Variants in SASH1 observed in about 807,000 individuals in gnomAD.
SASH1 encodes SAM and SH3 domain-containing protein 1.
SASH1 carries 44 observed loss-of-function variants against 125.2 expected under a neutral mutation model. The ratio of observed to expected loss-of-function variants is 0.35; its 90% confidence interval spans 0.28 to 0.45. The LOEUF is 0.45. Among genes scored for constraint, SASH1 ranks in the 20% least tolerant of loss-of-function variants. The probability of loss-of-function intolerance (pLI) is 1.00; values close to 1 mark genes in which losing one functional copy is unlikely to be tolerated. For synonymous variants in SASH1, 639 were observed against 649.1 expected (o/e 0.98, Z 0.24); for missense variants, 1,426 against 1,614.5 (o/e 0.88, Z 2.00).
intron 11 of SASH1, among the ~76,000 whole-genome samples, chr6:148,526,076 T>TA (rs397887707): frequency 1.2e-5 from 1 of 80,776 alleles, no homozygotes; most frequent in Non-Finnish European, 2.5e-5. Context: ...TTTTTTTTTT[T>TA]AAGATGGAGT....
At chr6:148,375,400 TG>T (rs1782853529) in intron 1 of SASH1, among the ~76,000 whole-genome samples, 1 of 151,180 alleles carries the variant, frequency 6.6e-6, no homozygotes, top group South Asian at 2.1e-4. Flanking sequence ...TTTTTTTTTG[TG>T]GTGACAAGAA....
At chr6:148,430,595 G>C (rs1000744871) in intron 2 of SASH1, among the ~76,000 whole-genome samples, 2 of 152,234 alleles carry the variant, frequency 1.3e-5, no homozygotes, top group African/African-American at 4.8e-5. Context: ...GCCTCCCAGA[G>C]TGTTAGGATT....
intron 2 of SASH1, among the ~76,000 whole-genome samples, chr6:148,392,855 A>G (rs1247627035): frequency 1.3e-5 from 2 of 152,100 alleles, no homozygotes; most frequent in Non-Finnish European, 2.9e-5. Flanking sequence ...ACATGTGTGA[A>G]TGCTGGGGTT....
At chr6:148,460,566 C>T (rs867685417) in intron 4 of SASH1, among the ~76,000 whole-genome samples, 3 of 152,170 alleles carry the variant, frequency 2.0e-5, no homozygotes, top group Admixed American at 1.3e-4. Flanking sequence ...AGGTAATCGA[C>T]GGACTCAAGC....
In SASH1 at chr6:148,275,743, G is replaced by A. The variant is rs189554836; in HGVS notation, n.74+3366G>A. Among the ~76,000 whole-genome samples the A allele has an allele frequency of 5.3e-5, 8 of 152,282 alleles. No homozygotes were observed. In the South Asian group the frequency reaches 6.2e-4, roughly 12 times the overall value. ...CATTATATTGCAATTATTTTGGGGCGTGTGGTCTCACTCTGTCACCCAAGC... is the reference window on the plus strand; with the variant it reads ...CATTATATTGCAATTATTTTGGGGCATGTGGTCTCACTCTGTCACCCAAGC... On this transcript the variant is annotated intron_variant and non_coding_transcript_variant, in intron 1 of 3. Transcript: ENST00000367469.
the SASH1 span, among the ~76,000 whole-genome samples, chr6:148,219,100 C>T: frequency 1.3e-5 from 2 of 152,138 alleles, no homozygotes; most frequent in East Asian, 3.9e-4. Context: ...AACATGCCCA[C>T]GCAGCATCCT....
chr6:148,535,870 C>T (rs1211106247), intron 16 of SASH1, among the ~76,000 whole-genome samples: 1 of 152,136 alleles, frequency 6.6e-6, no homozygotes, highest in South Asian at 2.1e-4. Context: ...ACACCAAAAC[C>T]ATGGTTAATG....
chr6:148,362,000 G>A (rs576625495), intron 1 of SASH1, among the ~76,000 whole-genome samples: 161 of 142,850 alleles, frequency 1.1e-3, no homozygotes, highest in African/African-American at 3.4e-3. Flanking sequence ...TGCAAGCTCC[G>A]CCTCCCGGGT....
the SASH1 span, among the ~76,000 whole-genome samples, chr6:148,215,446 A>G: frequency 0.011 from 1,727 of 152,312 alleles, 15 homozygotes; most frequent in Admixed American, 0.019. Flanking sequence ...TGTTTAAATC[A>G]TGCTAAATAA....
At chr6:148,364,872 C>G (rs1238367211) in intron 1 of SASH1, among the ~76,000 whole-genome samples, 1 of 152,144 alleles carries the variant, frequency 6.6e-6, no homozygotes, top group Non-Finnish European at 1.5e-5. Context: ...CCTGTAATCT[C>G]AGCACTTTGG....
chr6:148,531,933 A>C (rs1361794089), intron 13 of SASH1, among the ~76,000 whole-genome samples: 2 of 152,178 alleles, frequency 1.3e-5, no homozygotes, highest in East Asian at 3.8e-4. Flanking sequence ...AGCAGGGGGA[A>C]TAAGCCAGGG....
chr6:148,343,163 G>C lies in SASH1; in HGVS notation c.96G>C (p.Lys32Asn). ...EPAPEPEPEP[K>N]PGAGTSEAFS... ...CGCCGGAGCCGGAACCGGAGCCCAA[G>C]CCGGGTGCTGGCACATCCGAGGCGT... The change falls in exon 1 of 20, where the codon AAG becomes AAC. Residue 32 changes from lysine to asparagine, a missense_variant. Lys to Asn is a moderately conservative substitution (Grantham distance 94, BLOSUM62 0). Around this residue, in one of 3 missense-constraint regions of SASH1, gnomAD observed 567 missense variants for 575.6 expected, o/e 0.99. Transcript: ENST00000367467. 1 of 1,600,304 alleles carries C rather than the reference G, an allele frequency of 6.2e-7. No homozygotes were observed. Among genetic ancestry groups the C allele is most frequent in the Non-Finnish European group, 8.5e-7 (1 of 1,179,248 alleles).
the SASH1 span, among the ~76,000 whole-genome samples, chr6:148,262,363 G>A: frequency 1.3e-5 from 2 of 152,106 alleles, no homozygotes; most frequent in Middle Eastern, 3.4e-3. Context: ...GTCATCATGC[G>A]CTCCCTAACA....
At chr6:148,392,677 T>C (rs1169807525) in intron 2 of SASH1, among the ~76,000 whole-genome samples, 1 of 152,204 alleles carries the variant, frequency 6.6e-6, no homozygotes, top group Non-Finnish European at 1.5e-5. Context: ...TTCTCTTTCT[T>C]TTATGTTCAC....
chr6:148,510,238 G>C (rs1780040083), intron 8 of SASH1, among the ~76,000 whole-genome samples: 1 of 152,210 alleles, frequency 6.6e-6, no homozygotes, highest in African/African-American at 2.4e-5. Flanking sequence ...GCAGAGGAGA[G>C]GCTGGAAATC....
chr6:148,547,398 G>A (rs1454546733), intron 19 of SASH1, among the ~76,000 whole-genome samples: 2 of 152,142 alleles, frequency 1.3e-5, no homozygotes, highest in African/African-American at 2.4e-5. Context: ...AGAATGGCAT[G>A]CAATATAAGA....
intron 2 of SASH1, among the ~76,000 whole-genome samples, chr6:148,413,558 C>T (rs556353403): frequency 3.3e-4 from 50 of 152,202 alleles, no homozygotes; most frequent in Non-Finnish European, 5.6e-4. Context: ...GGAATGCGGG[C>T]TCAAGAGAAG....
chr6:148,511,373 A>ACACACACC (rs1491324851), intron 8 of SASH1, among the ~76,000 whole-genome samples: 1 of 129,756 alleles, frequency 7.7e-6, no homozygotes, highest in African/African-American at 2.9e-5. Context: ...ACACACACAC[A>ACACACACC]CCTTGGATGA....
intron 7 of SASH1, among the ~76,000 whole-genome samples, chr6:148,481,611 A>G (rs1023417516): frequency 6.6e-5 from 10 of 152,104 alleles, no homozygotes; most frequent in African/African-American, 1.4e-4. Context: ...TGTCTCAGGA[A>G]ATGGGGAGGC....
Sources: gnomAD v4.1 joint callset for allele counts (sites outside exome capture counted in the v4.1 genomes callset) on GRCh38, gnomAD v4.1.1 for gene constraint, gnomAD v4.1.1 regional missense constraint, MANE v1.5 for transcripts, NCBI Gene and HGNC (gene_info 2026-07-23, HGNC 2026-07-21) for gene names.